SCML4: variants seen among roughly 807,000 people sequenced by gnomAD.
SCML4 encodes sex comb on midleg-like protein 4.
SCML4 carries 34 observed loss-of-function variants against 41.1 expected under a neutral mutation model. The observed-to-expected ratio is 0.83, with a 90% CI of 0.63 to 1.10. SCML4 has a LOEUF of 1.10. SCML4 is among the 50% of genes least tolerant of loss of function. The pLI, the probability that SCML4 is intolerant of heterozygous loss-of-function variation, is 0.00. For synonymous variants in SCML4, 214 were observed against 220.9 expected (o/e 0.97, Z 0.28); for missense variants, 522 against 534.1 (o/e 0.98, Z 0.22).
At chr6:107,791,285 C>G (rs557472137) in intron 1 of SCML4, among the ~76,000 whole-genome samples, 2 of 152,196 alleles carry the variant, frequency 1.3e-5, no homozygotes, top group South Asian at 4.2e-4. Flanking sequence ...AGAGAAGGGT[C>G]TCAAACTGGA....
Position 107,772,178 on chromosome 6 carries a change from C to A in SCML4, c.150G>T (p.Gly50=). The change falls in exon 2 of 8, where the codon GGG becomes GGT. Residue 50 remains glycine, a synonymous_variant. Transcript: ENST00000369020. ...KIPKKRGRKP[G]YKIKSRVLMT... is the part of the protein sequence containing the mutation. ...GGAGATGATGGAGCCGTACCTTGTA[C>A]CCGGGTTTCCGCCCTCTTTTCTTTG... 6.5e-7 allele frequency: 1 copy of A among 1,549,800 alleles called. No individual in the cohort carries two copies. Among genetic ancestry groups the A allele is most frequent in the Non-Finnish European group, 8.7e-7 (1 of 1,146,138 alleles).
intron 1 of SCML4, among the ~76,000 whole-genome samples, chr6:107,782,563 C>G (rs1322050403): frequency 6.6e-6 from 1 of 152,290 alleles, no homozygotes; most frequent in Non-Finnish European, 1.5e-5. Flanking sequence ...TTCTCCTGCT[C>G]TTCTCTGCAC....
intron 4 of SCML4, 56 bp downstream of exon 4, chr6:107,746,633 C>T: frequency 2.0e-6 from 3 of 1,502,442 alleles, no homozygotes; most frequent in Non-Finnish European, 2.8e-6. Flanking sequence ...AGTATGGCTG[C>T]TTCCTCTGCA....
At chr6:107,717,172 A>AAAAAAAAAAAAAT (rs1321916871) in intron 6 of SCML4, among the ~76,000 whole-genome samples, 5 of 112,782 alleles carry the variant, frequency 4.4e-5, no homozygotes, top group South Asian at 2.8e-4. Flanking sequence ...AAAAAAAAAA[A>AAAAAAAAAAAAAT]AGCCAGGTGT....
intron 1 of SCML4, among the ~76,000 whole-genome samples, chr6:107,810,572 T>C (rs1292910202): frequency 6.6e-5 from 10 of 152,172 alleles, no homozygotes. Flanking sequence ...CTTGGCTATC[T>C]GGAGTGAGTA....
chr6:107,807,755 T>G (rs899598332), intron 1 of SCML4, among the ~76,000 whole-genome samples: 2 of 152,228 alleles, frequency 1.3e-5, no homozygotes, highest in Non-Finnish European at 2.9e-5. Flanking sequence ...TAAACTTTGT[T>G]TGCAATTTGT....
At chr6:107,751,712 T>C (rs1015267375) in intron 2 of SCML4, among the ~76,000 whole-genome samples, 1 of 151,558 alleles carries the variant, frequency 6.6e-6, no homozygotes, top group Non-Finnish European at 1.5e-5. Flanking sequence ...CTCAGCTCAC[T>C]GCAACCTCCG....
intron 1 of SCML4, among the ~76,000 whole-genome samples, chr6:107,803,090 G>A (rs576901831): frequency 4.5e-4 from 68 of 152,016 alleles, no homozygotes; most frequent in South Asian, 1.2e-3. Flanking sequence ...ATCTCGGCTC[G>A]CTACAACTTC....
intron 2 of SCML4, among the ~76,000 whole-genome samples, chr6:107,751,609 TC>T (rs1450619612): frequency 1.4e-5 from 2 of 145,654 alleles, no homozygotes; most frequent in African/African-American, 5.2e-5. Context: ...TTTCTTTCTT[TC>T]TTTCTTTCTT....
rs762603814 is a variant in SCML4 at position 107,702,331 on chromosome 6, G to A, written c.*2869C>T. Among the ~76,000 whole-genome samples, 1 of 152,234 alleles carries A rather than the reference G, an allele frequency of 6.6e-6. No homozygotes were observed. The highest frequency in any genetic ancestry group is 1.5e-5 in the Non-Finnish European group (1 of 68,038). On this transcript the variant is annotated 3_prime_UTR_variant, in exon 8 of 8. Coordinates refer to ENST00000369020, the MANE Select transcript of SCML4 (RefSeq NM_198081.5). ...TCCAGTTTTCTCCAAGACTTGAAAT[G>A]AGAACATATCTCTCGCCTGAAAACT...
intron 1 of SCML4, among the ~76,000 whole-genome samples, chr6:107,813,229 G>T (rs892243476): frequency 6.6e-6 from 1 of 150,974 alleles, no homozygotes; most frequent in African/African-American, 2.4e-5. Flanking sequence ...TCAGGGTGGT[G>T]GTGGGCATCT....
intron 6 of SCML4, chr6:107,720,196 G>T: frequency 1.2e-6 from 1 of 843,918 alleles, no homozygotes; most frequent in Non-Finnish European, 1.4e-6. Context: ...TTATGGTTAA[G>T]TGTGGCAAAA....
At chr6:107,717,642 G>T (rs1283617300) in intron 6 of SCML4, among the ~76,000 whole-genome samples, 2 of 152,142 alleles carry the variant, frequency 1.3e-5, no homozygotes, top group Non-Finnish European at 2.9e-5. Context: ...CCACCTCCCG[G>T]GTTCAAGCGA....
intron 1 of SCML4, among the ~76,000 whole-genome samples, chr6:107,816,544 G>A (rs554587765): frequency 7.0e-4 from 104 of 148,924 alleles, no homozygotes; most frequent in African/African-American, 2.5e-3. Context: ...GGCTCTCAGA[G>A]GAGGAAGAAG....
At chr6:107,804,842 C>G (rs1783602649) in intron 1 of SCML4, among the ~76,000 whole-genome samples, 1 of 152,116 alleles carries the variant, frequency 6.6e-6, no homozygotes, top group South Asian at 2.1e-4. Context: ...TGATGGTGTG[C>G]CCCTGTGGTC....
At chr6:107,820,448 A>C (rs940380848) in intron 1 of SCML4, among the ~76,000 whole-genome samples, 1 of 152,216 alleles carries the variant, frequency 6.6e-6, no homozygotes, top group Non-Finnish European at 1.5e-5. Flanking sequence ...GCTGCTCTGC[A>C]ATGCTGAATG....
intron 7 of SCML4, 90 bp from the exon 8 acceptor site, chr6:107,705,415 T>C: frequency 8.2e-7 from 1 of 1,222,446 alleles, no homozygotes; most frequent in East Asian, 2.5e-5. Context: ...TCAAGGGGTG[T>C]GCTCAGGGCA....
chr6:107,839,727 A>G, the SCML4 span, among the ~76,000 whole-genome samples: 112,403 of 151,886 alleles, frequency 0.74, 42,728 homozygotes, highest in East Asian at 0.93. Context: ...TGAGAATGAG[A>G]GAGCTCACAA....
chr6:107,737,986 G>T (rs1262993268), intron 5 of SCML4, among the ~76,000 whole-genome samples: 2 of 152,138 alleles, frequency 1.3e-5, no homozygotes, highest in African/African-American at 4.8e-5. Context: ...ACCAAAATCT[G>T]AATTTTAGCA....
Sources: allele counts gnomAD v4.1 joint callset (sites outside exome capture counted in the v4.1 genomes callset), GRCh38; gene constraint gnomAD v4.1.1; transcripts MANE v1.5; gene names NCBI Gene and HGNC (gene_info 2026-07-23, HGNC 2026-07-21).